NSD1: variants seen among roughly 807,000 people sequenced by gnomAD.
NSD1 encodes the protein nuclear receptor binding SET domain protein 1.
In NSD1, 26 loss-of-function variants were observed where a neutral mutation model predicts 242.7. The observed-to-expected ratio is 0.11, with a 90% confidence interval of 0.08 to 0.15. The LOEUF (loss-of-function observed/expected upper bound fraction) is 0.15, where lower values mean the gene tolerates loss of function less well. Among genes scored for constraint, NSD1 ranks in the 10% least tolerant of loss-of-function variants. NSD1 has a pLI of 1.00. For synonymous variants in NSD1, 1,106 were observed against 1,178.1 expected (o/e 0.94, Z 1.25); for missense variants, 2,495 against 3,272.8 (o/e 0.76, Z 5.80).
intron 2 of NSD1, among the ~76,000 whole-genome samples, chr5:177,174,410 G>A (rs144568696): frequency 0.023 from 3,469 of 152,046 alleles, 53 homozygotes; most frequent in South Asian, 0.054. Flanking sequence ...ACAGGGCTTC[G>A]CCATGTTGGC....
chr5:177,231,721 G>A (rs1028803758), intron 5 of NSD1, among the ~76,000 whole-genome samples: 1 of 151,746 alleles, frequency 6.6e-6, no homozygotes, highest in Non-Finnish European at 1.5e-5. Flanking sequence ...CGCCCAAACC[G>A]TGACAAGATT....
chr5:177,273,828 A>T (rs368227039), intron 17 of NSD1, 44 bp downstream of exon 17: 1 of 1,269,506 alleles, frequency 7.9e-7, no homozygotes, highest in Admixed American at 1.7e-5. Flanking sequence ...AGAGAAATGG[A>T]ATAGCTGGCT....
At chr5:177,244,322 CTT>C in intron 9 of NSD1, 52 bp downstream of exon 9, 1 of 1,305,758 alleles carries the variant, frequency 7.7e-7, no homozygotes, top group Non-Finnish European at 1.1e-6. Flanking sequence ...GTTTGAAGTG[CTT>C]TGTCTGTTAA....
intron 2 of NSD1, among the ~76,000 whole-genome samples, chr5:177,173,291 CAAA>C (rs60043429): frequency 0.022 from 2,138 of 97,036 alleles, 30 homozygotes; most frequent in African/African-American, 0.053. Context: ...GACTCTGTCT[CAAA>C]AAAAAAAAAA....
At chr5:177,157,982 TTTTG>T (rs1477198618) in intron 2 of NSD1, among the ~76,000 whole-genome samples, 9 of 152,236 alleles carry the variant, frequency 5.9e-5, no homozygotes, top group African/African-American at 1.9e-4. Flanking sequence ...TGATGCCACT[TTTTG>T]TTTGTCTTTT....
chr5:177,262,183 T>G (rs1757048507), intron 14 of NSD1, among the ~76,000 whole-genome samples: 2 of 152,222 alleles, frequency 1.3e-5, no homozygotes, highest in African/African-American at 4.8e-5. Flanking sequence ...GGCTGACTTT[T>G]TCTGCAGCCT....
At chr5:177,264,718 G>A (rs1269235671) in intron 14 of NSD1, 1 of 654,384 alleles carries the variant, frequency 1.5e-6, no homozygotes, top group Non-Finnish European at 2.8e-6. Flanking sequence ...GAATTATTAA[G>A]TAAAGGCCCT....
intron 2 of NSD1, among the ~76,000 whole-genome samples, chr5:177,172,424 GAAAT>G (rs1466277046): frequency 6.6e-6 from 1 of 152,038 alleles, no homozygotes; most frequent in East Asian, 1.9e-4. Context: ...CAGGTAAAAT[GAAAT>G]AAAGACTGAA....
At chr5:177,229,187 A>G (rs1199629631) in intron 5 of NSD1, among the ~76,000 whole-genome samples, 1 of 151,800 alleles carries the variant, frequency 6.6e-6, no homozygotes, top group Non-Finnish European at 1.5e-5. Flanking sequence ...ATTGATTAAC[A>G]TTTGGGCTGT....
In NSD1 at chr5:177,135,990, C is replaced by G. The variant is rs1189702665; in HGVS notation, c.887C>G (p.Pro296Arg). ...TSTLGNMLEL[P>R]GTSSSSTSQE... ...ACATTAGGAAACATGCTAGAATTAC[C>G]TGGAACTTCATCATCATCTACTTCA... Residue 296 changes from proline (P) to arginine (R), a missense_variant, in exon 2 of 23, where the codon CCT becomes CGT. Coordinates refer to ENST00000439151, the MANE Select transcript of NSD1 (RefSeq NM_022455.5). 10 of 1,614,054 alleles carry G rather than the reference C, an allele frequency of 6.2e-6. No homozygotes were observed. The highest frequency in any genetic ancestry group is 6.8e-6 in the Non-Finnish European group (8 of 1,180,014).
chr5:177,285,563 CAAAAAAAAAAA>C (rs772293606), intron 20 of NSD1, among the ~76,000 whole-genome samples: 1 of 81,912 alleles, frequency 1.2e-5, no homozygotes, highest in South Asian at 4.9e-4. Flanking sequence ...GATTCCATCT[CAAAAAAAAAAA>C]AAAAAAAAAA....
intron 22 of NSD1, 87 bp from the exon 23 acceptor site, chr5:177,293,745 C>A: frequency 1.4e-6 from 2 of 1,437,984 alleles, no homozygotes; most frequent in Non-Finnish European, 1.9e-6. Context: ...AGGTCATCAT[C>A]CACACCTTCG....
chr5:177,261,818 T>C (rs370206067), intron 14 of NSD1, among the ~76,000 whole-genome samples: 1 of 152,220 alleles, frequency 6.6e-6, no homozygotes, highest in African/African-American at 2.4e-5. Context: ...ATTTTGTTGA[T>C]TTAGTAGTTA....
In NSD1 at chr5:177,151,986, G is replaced by A. The variant is rs558693451; in HGVS notation, c.927+15956G>A. On this transcript the variant is annotated intron_variant, in intron 2 of 22. Coordinates refer to ENST00000439151, the MANE Select transcript of NSD1 (RefSeq NM_022455.5). ...CGCCATTCTCCTGCCTCAGCCTCCC[G>A]AGTAACTGGGACCACAGGTGCCCGC... Among the ~76,000 whole-genome samples, 17 of 151,180 alleles carry A rather than the reference G, an allele frequency of 1.1e-4. No individual in the cohort carries two copies. In the East Asian group the frequency reaches 3.1e-3, roughly 28 times the overall value.
intron 14 of NSD1, among the ~76,000 whole-genome samples, chr5:177,261,236 A>ATTTTTTTTTTT (rs10652091): frequency 2.7e-5 from 2 of 74,756 alleles, no homozygotes; most frequent in African/African-American, 4.6e-5. Context: ...TGCCCCACTA[A>ATTTTTTTTTTT]TTTTTTTTTT....
chr5:177,233,142 A>T (rs1458040688), intron 5 of NSD1, among the ~76,000 whole-genome samples: 1 of 152,006 alleles, frequency 6.6e-6, no homozygotes, highest in Non-Finnish European at 1.5e-5. Flanking sequence ...TGGCACAATT[A>T]TGGCTCACAG....
At chr5:177,293,614 T>A (rs562667191) in intron 22 of NSD1, among the ~76,000 whole-genome samples, 1 of 147,558 alleles carries the variant, frequency 6.8e-6, no homozygotes, top group South Asian at 2.2e-4. Context: ...TTGATAGTAG[T>A]TGCTATTTGA....
At chr5:177,213,634 ATT>A (rs918506078) in intron 5 of NSD1, among the ~76,000 whole-genome samples, 2 of 151,176 alleles carry the variant, frequency 1.3e-5, no homozygotes, top group African/African-American at 2.4e-5. Flanking sequence ...CACCCAGCTA[ATT>A]TTTTTTTGTA....
chr5:177,161,536 C>T (rs1758748503), intron 2 of NSD1, among the ~76,000 whole-genome samples: 1 of 152,014 alleles, frequency 6.6e-6, no homozygotes, highest in Non-Finnish European at 1.5e-5. Flanking sequence ...TTTGCCCAGG[C>T]TGGGTCTCAA....
Sources: allele counts gnomAD v4.1 joint callset (sites outside exome capture counted in the v4.1 genomes callset), GRCh38; gene constraint gnomAD v4.1.1; transcripts MANE v1.5; gene names NCBI Gene and HGNC (gene_info 2026-07-23, HGNC 2026-07-21).